The following ADAMTS12 variants were observed in gnomAD, a reference collection of about 807,000 sequenced individuals.
ADAMTS12 encodes A disintegrin and metalloproteinase with thrombospondin motifs 12.
In ADAMTS12, 118 loss-of-function variants were observed where a neutral mutation model predicts 167.8. That is an observed-to-expected ratio of 0.70 (90% confidence interval 0.61 to 0.82). The LOEUF is 0.82. Ranked by LOEUF, ADAMTS12 falls within the 40% of genes least tolerant of loss-of-function variation. The pLI is 0.00. For synonymous variants in ADAMTS12, 704 were observed against 716.9 expected (o/e 0.98, Z 0.29); for missense variants, 1,916 against 1,998.8 (o/e 0.96, Z 0.79).
chr5:33,638,958 C>T (rs1162049822), intron 11 of ADAMTS12, among the ~76,000 whole-genome samples: 1 of 152,196 alleles, frequency 6.6e-6, no homozygotes, highest in African/African-American at 2.4e-5. Context: ...TGGTCTCCAT[C>T]TTGCTGCAGT....
Position 33,576,662 on chromosome 5 carries a change from T to C in ADAMTS12, c.3364A>G (p.Thr1122Ala). Residue 1122 changes from threonine (T) to alanine (A), a missense_variant, in exon 19 of 24, where the codon ACA (threonine) becomes GCA (alanine). Physicochemically the swap from Thr to Ala is moderately conservative, Grantham distance 58. Coordinates refer to ENST00000504830, the MANE Select transcript of ADAMTS12 (RefSeq NM_030955.4). ...GACAAGCCAGAACCACTTGTTGTTG[T>C]AGCTACAAGGCCTCCCTCCGAGGTA... ...GPTSEGGLVATTTSGSGLSSS... is the reference protein window; with the variant it reads ...GPTSEGGLVAATTSGSGLSSS... The C allele has an allele frequency of 6.2e-7, 1 of 1,614,224 alleles. No individual in the cohort carries two copies. The highest frequency in any genetic ancestry group is 8.5e-7 in the Non-Finnish European group (1 of 1,180,030).
At chr5:33,860,705 A>G (rs1251904145) in intron 2 of ADAMTS12, among the ~76,000 whole-genome samples, 4 of 152,196 alleles carry the variant, frequency 2.6e-5, no homozygotes, top group African/African-American at 7.2e-5. Flanking sequence ...CTCAAGACAC[A>G]TAATTATCAG....
At chr5:33,667,172 G>C (rs4866358) in intron 5 of ADAMTS12, among the ~76,000 whole-genome samples, 141,073 of 151,868 alleles carry the variant, frequency 0.93, 66,396 homozygotes, top group East Asian at 1. Flanking sequence ...ACAAAAATTA[G>C]CTGGGCGTGG....
At chr5:33,659,583 C>T (rs1255156813) in intron 6 of ADAMTS12, among the ~76,000 whole-genome samples, 14 of 152,076 alleles carry the variant, frequency 9.2e-5, no homozygotes, top group Admixed American at 9.2e-4. Flanking sequence ...CTGAAGTGTC[C>T]AGCACTAAAG....
At chr5:33,875,016 T>C (rs7379743) in intron 2 of ADAMTS12, among the ~76,000 whole-genome samples, 80,442 of 152,104 alleles carry the variant, frequency 0.53, 23,713 homozygotes, top group East Asian at 0.83. Flanking sequence ...TGCAGTGAGC[T>C]GAGATCATGC....
intron 16 of ADAMTS12, among the ~76,000 whole-genome samples, chr5:33,610,954 C>T (rs1359300040): frequency 6.6e-6 from 1 of 152,040 alleles, no homozygotes; most frequent in Non-Finnish European, 1.5e-5. Context: ...GTAATCTCAG[C>T]TACTCAGGAG....
chr5:33,566,389 A>C (rs939546156), intron 19 of ADAMTS12, among the ~76,000 whole-genome samples: 2 of 152,114 alleles, frequency 1.3e-5, no homozygotes, highest in Non-Finnish European at 2.9e-5. Context: ...GCTTGAGCTC[A>C]GGAGTTCAGG....
chr5:33,680,550 A>G (rs182094918), intron 5 of ADAMTS12, among the ~76,000 whole-genome samples: 23 of 151,232 alleles, frequency 1.5e-4, no homozygotes, highest in African/African-American at 4.4e-4. Context: ...GTTTCTTCAC[A>G]TTTCTATCTA....
chr5:33,707,191 C>G (rs1220701618), intron 3 of ADAMTS12, among the ~76,000 whole-genome samples: 2 of 151,992 alleles, frequency 1.3e-5, no homozygotes, highest in Non-Finnish European at 2.9e-5. Context: ...ATGAGTGAAC[C>G]CTCATTCGCA....
chr5:33,605,158 C>T (rs1267748565), intron 16 of ADAMTS12, among the ~76,000 whole-genome samples: 1 of 152,210 alleles, frequency 6.6e-6, no homozygotes, highest in Non-Finnish European at 1.5e-5. Flanking sequence ...TTTCAGTCTT[C>T]CCTATGCTCA....
chr5:33,724,732 T>C (rs1011976047), intron 3 of ADAMTS12, among the ~76,000 whole-genome samples: 1 of 151,902 alleles, frequency 6.6e-6, no homozygotes, highest in Non-Finnish European at 1.5e-5. Flanking sequence ...TTTGTATTTT[T>C]AGTAGAGACG....
intron 23 of ADAMTS12, among the ~76,000 whole-genome samples, chr5:33,528,366 A>G (rs2111718594): frequency 6.6e-6 from 1 of 152,304 alleles, no homozygotes; most frequent in Non-Finnish European, 1.5e-5. Context: ...AATCGCCACT[A>G]AGGAACGTGA....
At chr5:33,530,247 A>G (rs572663856) in intron 23 of ADAMTS12, among the ~76,000 whole-genome samples, 1 of 151,862 alleles carries the variant, frequency 6.6e-6, no homozygotes, top group East Asian at 1.9e-4. Context: ...TTTGTTTCAG[A>G]TTTTCTCCTC....
intron 19 of ADAMTS12, among the ~76,000 whole-genome samples, 184 bp downstream of exon 19, chr5:33,575,870 A>T (rs572978718): frequency 1.7e-4 from 26 of 152,094 alleles, no homozygotes; most frequent in African/African-American, 5.8e-4. Flanking sequence ...AATTTACATA[A>T]TTTTTTTTCC....
intron 2 of ADAMTS12, among the ~76,000 whole-genome samples, chr5:33,765,115 G>A (rs1046344370): frequency 6.6e-6 from 1 of 152,100 alleles, no homozygotes; most frequent in Non-Finnish European, 1.5e-5. Context: ...AATTTTTAAA[G>A]TACAGAAAAT....
intron 5 of ADAMTS12, among the ~76,000 whole-genome samples, chr5:33,672,629 T>C (rs1317636714): frequency 6.6e-6 from 1 of 152,174 alleles, no homozygotes; most frequent in Admixed American, 6.5e-5. Context: ...AATCACCAGT[T>C]TGAAAATCTT....
At chr5:33,688,724 T>C (rs1179912553) in intron 3 of ADAMTS12, among the ~76,000 whole-genome samples, 2 of 152,192 alleles carry the variant, frequency 1.3e-5, no homozygotes, top group Non-Finnish European at 2.9e-5. Context: ...TGGAGTGCTT[T>C]TTAACATGCC....
At chr5:33,636,839 T>G (rs1229499895) in intron 12 of ADAMTS12, among the ~76,000 whole-genome samples, 2 of 152,218 alleles carry the variant, frequency 1.3e-5, no homozygotes, top group Non-Finnish European at 2.9e-5. Context: ...CGGTCATTGA[T>G]TCTTCTTCAT....
chr5:33,859,653 G>A (rs1749529221), intron 2 of ADAMTS12, among the ~76,000 whole-genome samples: 1 of 152,196 alleles, frequency 6.6e-6, no homozygotes. Context: ...CAGTGCTCAA[G>A]CTCTGCTAAG....
Sources: allele counts gnomAD v4.1 joint callset (sites outside exome capture counted in the v4.1 genomes callset), GRCh38; gene constraint gnomAD v4.1.1; transcripts MANE v1.5; gene names NCBI Gene and HGNC (gene_info 2026-07-23, HGNC 2026-07-21).